TRAPPC8: variants seen among roughly 807,000 people sequenced by gnomAD.
TRAPPC8 encodes the protein general sporulation gene 1 homolog.
TRAPPC8 carries 54 observed loss-of-function variants against 174.3 expected under a neutral mutation model. That is an observed-to-expected ratio of 0.31 (90% CI 0.25 to 0.39). TRAPPC8 has a LOEUF of 0.39. Ranked by LOEUF, TRAPPC8 falls within the 10% of genes least tolerant of loss-of-function variation. The probability of loss-of-function intolerance (pLI) is 1.00; values close to 1 mark genes in which losing one functional copy is unlikely to be tolerated. For missense variants in TRAPPC8, 1,531 were observed against 1,699.1 expected, an observed-to-expected ratio of 0.90 and a Z score of 1.74; for synonymous variants, 630 against 579.9, an observed-to-expected ratio of 1.09 and a Z score of -1.24.
intron 12 of TRAPPC8, among the ~76,000 whole-genome samples, chr18:31,887,448 C>T (rs1342840985): frequency 2.0e-5 from 3 of 152,044 alleles, no homozygotes; most frequent in Non-Finnish European, 4.4e-5. Context: ...AGTTCAAGAC[C>T]AGCCTGGCCA....
intron 11 of TRAPPC8, chr18:31,896,051 C>G (rs935938232): frequency 6.6e-5 from 10 of 152,154 alleles, no homozygotes; most frequent in Admixed American, 6.5e-4. Context: ...AAGAAGCTAA[C>G]AGCTTAAGAA....
chr18:31,935,713 G>A (rs2038067455), intron 1 of TRAPPC8, among the ~76,000 whole-genome samples: 1 of 151,392 alleles, frequency 6.6e-6, no homozygotes, highest in Admixed American at 6.6e-5. Flanking sequence ...GACCAGCCTG[G>A]ACAACAGAGG....
rs560571053 is a variant in TRAPPC8, at chr18:31,914,744, T to C, written c.618-1222A>G. 1.4e-4 allele frequency among the ~76,000 whole-genome samples: 21 copies of C among 152,198 alleles called. 1 individual carries two copies. Among genetic ancestry groups the C allele is most frequent in the Non-Finnish European group, 2.6e-4 (18 of 68,030 alleles). ...ACAAAACATTAATCTGCTCCACACC[T>C]TGCACCAAAAGCCAAAATAAGCTCC... On this transcript the variant is annotated intron_variant, in intron 4 of 28. Coordinates refer to ENST00000283351, the MANE Select transcript of TRAPPC8 (RefSeq NM_014939.5).
chr18:31,899,090 C>T lies in TRAPPC8; in HGVS notation c.1491-1199G>A, dbSNP rs551921. Among the ~76,000 whole-genome samples, 620 of 152,174 alleles carry T rather than the reference C, an allele frequency of 4.1e-3. 4 individuals carry two copies. Among genetic ancestry groups the T allele is most frequent in the African/African-American group, 0.014 (591 of 41,536 alleles). ...CTTGGAGGTTAGATATTTATGAATA[C>T]CTAAGACTGTTTTGATGAACACAAA... On this transcript the variant is annotated intron_variant, in intron 10 of 28. Transcript: ENST00000283351.
intron 2 of TRAPPC8, among the ~76,000 whole-genome samples, chr18:31,928,148 T>A (rs1252807990): frequency 1.3e-5 from 2 of 149,330 alleles, no homozygotes; most frequent in Non-Finnish European, 3.0e-5. Context: ...AGAGTGAGAC[T>A]CCGACTAAAA....
intron 1 of TRAPPC8, among the ~76,000 whole-genome samples, chr18:31,940,796 C>T (rs976946811): frequency 8.6e-5 from 13 of 152,038 alleles, no homozygotes; most frequent in Non-Finnish European, 1.9e-4. Flanking sequence ...CGCGCCCGGC[C>T]GAAAATTTTT....
At chr18:31,840,721 G>A (rs1050638749) in intron 26 of TRAPPC8, among the ~76,000 whole-genome samples, 4 of 152,122 alleles carry the variant, frequency 2.6e-5, no homozygotes, top group African/African-American at 9.7e-5. Flanking sequence ...AGTCAATCTG[G>A]TGAGCAAAAC....
chr18:31,902,689 G>A (rs749617496), intron 9 of TRAPPC8, among the ~76,000 whole-genome samples: 3 of 152,142 alleles, frequency 2.0e-5, no homozygotes, highest in Admixed American at 2.0e-4. Flanking sequence ...AGATGGGGGA[G>A]TCAGTCTCCA....
At chr18:31,916,575 C>G in intron 3 of TRAPPC8, 129 bp from the exon 4 acceptor site, 1 of 929,888 alleles carries the variant, frequency 1.1e-6, no homozygotes, top group Non-Finnish European at 1.5e-6. Flanking sequence ...CTCTGTAGCC[C>G]AGGCTGGAGA....
intron 20 of TRAPPC8, among the ~76,000 whole-genome samples, chr18:31,856,726 A>G (rs555073156): frequency 7.8e-4 from 119 of 152,216 alleles, no homozygotes; most frequent in African/African-American, 2.8e-3. Context: ...ATCTTTACAA[A>G]TAAAATATAT....
chr18:31,837,070 A>G (rs567876165), intron 27 of TRAPPC8, among the ~76,000 whole-genome samples: 1 of 152,134 alleles, frequency 6.6e-6, no homozygotes, highest in East Asian at 1.9e-4. Flanking sequence ...CCCATCCTTC[A>G]GTATTTCTTA....
At chr18:31,843,386 T>C (rs1386744485) in intron 26 of TRAPPC8, among the ~76,000 whole-genome samples, 2 of 152,162 alleles carry the variant, frequency 1.3e-5, no homozygotes, top group African/African-American at 4.8e-5. Context: ...GTTCTGGAAA[T>C]AGAATATTTG....
At chr18:31,870,637 C>T in intron 15 of TRAPPC8, 135 bp from the exon 16 acceptor site, 2 of 989,830 alleles carry the variant, frequency 2.0e-6, no homozygotes, top group Middle Eastern at 4.7e-4. Context: ...TTATAAATGT[C>T]CACGTATTCA....
intron 16 of TRAPPC8, among the ~76,000 whole-genome samples, chr18:31,868,602 CA>C (rs1184940040): frequency 6.6e-6 from 1 of 152,126 alleles, no homozygotes; most frequent in Non-Finnish European, 1.5e-5. Flanking sequence ...AAATCTCATT[CA>C]AATTATTAAC....
At chr18:31,852,891 G>A (rs2033788231) in intron 22 of TRAPPC8, 2 of 436,984 alleles carry the variant, frequency 4.6e-6, no homozygotes. Flanking sequence ...ATATATATAT[G>A]TATTCATATA....
intron 11 of TRAPPC8, among the ~76,000 whole-genome samples, chr18:31,894,343 G>T (rs900341): frequency 6.6e-6 from 1 of 152,106 alleles, no homozygotes; most frequent in Non-Finnish European, 1.5e-5. Flanking sequence ...GAAATAAAAG[G>T]ATTTTTACAA....
intron 28 of TRAPPC8, among the ~76,000 whole-genome samples, chr18:31,831,491 A>G (rs1327475104): frequency 1.3e-5 from 2 of 152,236 alleles, no homozygotes; most frequent in Non-Finnish European, 2.9e-5. Context: ...TCTAGGCACA[A>G]TGCTAAAAGT....
At chr18:31,911,328 C>T (rs1392790440) in intron 5 of TRAPPC8, among the ~76,000 whole-genome samples, 3 of 151,530 alleles carry the variant, frequency 2.0e-5, no homozygotes, top group Non-Finnish European at 4.4e-5. Context: ...ACCAGCCTAG[C>T]CAACAGGGTG....
In TRAPPC8 at chr18:31,846,819, TA is replaced by T. The variant is rs35795794; in HGVS notation, c.3736-3del. The T allele has an allele frequency of 6.2e-7, 1 of 1,607,212 alleles. No individual in the cohort carries two copies. Among genetic ancestry groups the T allele is most frequent in the African/African-American group, 1.3e-5 (1 of 74,806 alleles). ...TTTACTGTCTTCCACAACGTATGCC[TA>T]AAAAATGCAAAGTACAAAAACGTTA... On this transcript the variant is annotated splice_region_variant and splice_polypyrimidine_tract_variant and intron_variant, in intron 25 of 28. Transcript: ENST00000283351.
Sources: allele counts gnomAD v4.1 joint callset (sites outside exome capture counted in the v4.1 genomes callset), GRCh38; gene constraint gnomAD v4.1.1; transcripts MANE v1.5; gene names NCBI Gene and HGNC (gene_info 2026-07-23, HGNC 2026-07-21).